VRTN: variants seen among roughly 807,000 people sequenced by gnomAD.
VRTN encodes the protein vertnin.
VRTN carries 5 observed loss-of-function variants against 18.2 expected under a neutral mutation model. That is an observed-to-expected ratio of 0.27 (90% CI 0.14 to 0.58). VRTN has a LOEUF of 0.58. Ranked by LOEUF, VRTN falls within the 20% of genes least tolerant of loss-of-function variation. The pLI is 0.91. For missense variants in VRTN, 741 were observed against 939.4 expected, an observed-to-expected ratio of 0.79 and a Z score of 2.76; for synonymous variants, 381 against 393.7, an observed-to-expected ratio of 0.97 and a Z score of 0.38.
At chr14:74,315,591 T>G (rs145521014) in intron 1 of VRTN, among the ~76,000 whole-genome samples, 1 of 152,178 alleles carries the variant, frequency 6.6e-6, no homozygotes, top group African/African-American at 2.4e-5. Context: ...CTACTCTGTA[T>G]GTGCCAGGCA....
intron 1 of VRTN, among the ~76,000 whole-genome samples, chr14:74,308,181 A>C (rs2085366677): frequency 6.6e-6 from 1 of 152,128 alleles, no homozygotes; most frequent in African/African-American, 2.4e-5. Flanking sequence ...TTGGGAGGCC[A>C]AGGCCAGAGG....
chr14:74,357,197 C>T lies in VRTN; in HGVS notation c.414C>T (p.Cys138=), dbSNP rs1227256294. 6.2e-7 allele frequency: 1 copy of T among 1,610,278 alleles called. No individual in the cohort carries two copies. Among genetic ancestry groups the T allele is most frequent in the South Asian group, 1.1e-5 (1 of 91,042 alleles). ...TGCAGGCCGTGCGCTACTCCCTATG[C>T]TCTGAGGAGTCCCCTGAGATGACCA... The part of the protein sequence containing the change: ...VMLQAVRYSL[C]SEESPEMTSL... The change falls in exon 2 of 2, where the codon TGC becomes TGT. Residue 138 remains cysteine (C), a synonymous_variant. Transcript: ENST00000256362. This position sits in a 1 kb window ranked among gnomAD's most constrained non-coding sequence, Gnocchi z 7.8.
intron 1 of VRTN, among the ~76,000 whole-genome samples, chr14:74,355,622 C>T (rs548271705): frequency 3.3e-5 from 5 of 152,284 alleles, no homozygotes; most frequent in African/African-American, 9.6e-5. Context: ...GCGGCCTCCA[C>T]CTCCCAAGTT....
At chr14:74,307,280 C>T (rs1221572717) in intron 1 of VRTN, among the ~76,000 whole-genome samples, 1 of 151,840 alleles carries the variant, frequency 6.6e-6, no homozygotes, top group African/African-American at 2.4e-5. Context: ...AGGCACCCGC[C>T]ACCACGCCCG....
Position 74,332,270 on chromosome 14 carries a change from C to T in VRTN, c.-163-5453C>T, listed in dbSNP as rs529291339. Among the ~76,000 whole-genome samples, 16 of 150,174 alleles carry T rather than the reference C, an allele frequency of 1.1e-4. No individual in the cohort carries two copies. The South Asian group carries it at 3.2e-3, about 30-fold the overall frequency. ...AACTGCTGCTTACCTGGCTTTCACACCTGTGTTTTCTGGCCTGGCAGGACA... is the reference window on the plus strand; with the variant it reads ...AACTGCTGCTTACCTGGCTTTCACATCTGTGTTTTCTGGCCTGGCAGGACA... On this transcript the variant is annotated intron_variant, in intron 1 of 2. Coordinates refer to the VRTN transcript ENST00000557177.
At chr14:74,342,259 A>AG (rs967794233) in intron 2 of VRTN, among the ~76,000 whole-genome samples, 1 of 151,524 alleles carries the variant, frequency 6.6e-6, no homozygotes, top group African/African-American at 2.4e-5. Context: ...AAAAAAAAAA[A>AG]AGACAAGACA....
chr14:74,331,000 C>T (rs1484148458), intron 1 of VRTN, among the ~76,000 whole-genome samples: 2 of 149,430 alleles, frequency 1.3e-5, no homozygotes, highest in South Asian at 2.1e-4. Flanking sequence ...GAGATCGAGA[C>T]CATCCTGGCT....
intron 1 of VRTN, among the ~76,000 whole-genome samples, chr14:74,321,692 C>G (rs1045168802): frequency 6.6e-6 from 1 of 151,734 alleles, no homozygotes; most frequent in African/African-American, 2.4e-5. Context: ...TTAGTAGAGG[C>G]GGGGTTTCCC....
chr14:74,308,583 C>T (rs560601915), intron 1 of VRTN, among the ~76,000 whole-genome samples: 2 of 151,596 alleles, frequency 1.3e-5, no homozygotes, highest in Admixed American at 1.3e-4. Context: ...GGTGTGATCT[C>T]GGCCCACTGC....
chr14:74,355,339 A>G (rs1347705909), intron 1 of VRTN, among the ~76,000 whole-genome samples: 1 of 152,132 alleles, frequency 6.6e-6, no homozygotes, highest in Admixed American at 6.6e-5. Context: ...CTTTCTTTCA[A>G]GTAAAAATTG....
chr14:74,356,186 A>T (rs1305451591), intron 1 of VRTN, among the ~76,000 whole-genome samples: 3 of 147,878 alleles, frequency 2.0e-5, no homozygotes, highest in African/African-American at 7.5e-5. Flanking sequence ...TATTTTATTA[A>T]TTTTTTTTTC....
chr14:74,340,002 C>G (rs1448428391), intron 2 of VRTN, among the ~76,000 whole-genome samples: 1 of 152,090 alleles, frequency 6.6e-6, no homozygotes, highest in Non-Finnish European at 1.5e-5. Flanking sequence ...GTGGCATGAT[C>G]TCAGCTCACT....
chr14:74,305,530 T>C, intron 1 of VRTN: 1 of 201,368 alleles, frequency 5.0e-6, no homozygotes. Context: ...CAGAAAGACC[T>C]GTAAAGAAGC....
intron 1 of VRTN, among the ~76,000 whole-genome samples, chr14:74,312,310 T>C (rs2085393340): frequency 6.6e-6 from 1 of 152,208 alleles, no homozygotes; most frequent in Admixed American, 6.5e-5. Context: ...CCATATTTTG[T>C]TTTTTAAAAG....
At chr14:74,355,123 C>T (rs1215201600) in intron 1 of VRTN, among the ~76,000 whole-genome samples, 1 of 119,596 alleles carries the variant, frequency 8.4e-6, no homozygotes, top group South Asian at 2.8e-4. Context: ...GCCTGGGTGA[C>T]AGAACGAGAC....
intron 1 of VRTN, among the ~76,000 whole-genome samples, chr14:74,318,977 A>G (rs2085436005): frequency 6.6e-6 from 1 of 151,758 alleles, no homozygotes. Flanking sequence ...GGCCTCCCAA[A>G]GTGCTGGGAT....
chr14:74,304,095 C>T (rs2085250536), intron 1 of VRTN, among the ~76,000 whole-genome samples: 2 of 151,942 alleles, frequency 1.3e-5, no homozygotes, highest in Admixed American at 1.3e-4. Flanking sequence ...AGGTGATCTG[C>T]CCGCCTTGGC....
intron 1 of VRTN, among the ~76,000 whole-genome samples, chr14:74,312,355 A>G (rs1198118093): frequency 6.6e-6 from 1 of 152,202 alleles, no homozygotes; most frequent in Non-Finnish European, 1.5e-5. Context: ...CACCCACTGA[A>G]GTTGATTGCA....
intron 1 of VRTN, among the ~76,000 whole-genome samples, chr14:74,304,140 C>T (rs935832269): frequency 6.6e-6 from 1 of 151,464 alleles, no homozygotes; most frequent in Non-Finnish European, 1.5e-5. Flanking sequence ...AGTGAGCCAC[C>T]GCTCCTGGCC....
Sources: gnomAD v4.1 joint callset for allele counts (sites outside exome capture counted in the v4.1 genomes callset) on GRCh38, gnomAD v4.1.1 for gene constraint, Gnocchi (gnomAD v3.1) non-coding constraint, MANE v1.5 for transcripts, NCBI Gene and HGNC (gene_info 2026-07-23, HGNC 2026-07-21) for gene names.